PMEPA1: variants seen among roughly 807,000 people sequenced by gnomAD.
The protein encoded by PMEPA1 is protein TMEPAI.
Under a neutral mutation model 23.0 loss-of-function variants are expected in PMEPA1, and 11 were observed. The observed-to-expected ratio is 0.48, with a 90% CI of 0.30 to 0.79. The LOEUF (loss-of-function observed/expected upper bound fraction) is 0.79, where lower values mean the gene tolerates loss of function less well. PMEPA1 is among the 30% of genes least tolerant of loss of function. The pLI, the probability that PMEPA1 is intolerant of heterozygous loss-of-function variation, is 0.06. For missense variants in PMEPA1, 377 were observed against 390.9 expected, an observed-to-expected ratio of 0.96 and a Z score of 0.30; for synonymous variants, 204 against 166.4, an observed-to-expected ratio of 1.23 and a Z score of -1.74.
chr20:57,699,934 G>A (rs774303867), intron 1 of PMEPA1: 18 of 437,648 alleles, frequency 4.1e-5, no homozygotes, highest in Non-Finnish European at 7.1e-5. Flanking sequence ...TCGACAGTCC[G>A]CGTTTTACAT....
At position 57,652,771 on chromosome 20, in the gene PMEPA1, C is replaced by T. The variant is rs2071269323; in HGVS notation, c.319-173G>A. Among the ~76,000 whole-genome samples the T allele has an allele frequency of 6.6e-6, 1 of 152,128 alleles. No individual in the cohort carries two copies. The highest frequency in any genetic ancestry group is 2.4e-5 in the African/African-American group (1 of 41,432). ...AGCCTGATCCCGCGGGGGCCCTGGC[C>T]TGGGGGGCAGCACTGCAGAGCTGCA... is the stretch of plus-strand genomic sequence containing the variant. On this transcript the variant is annotated intron_variant, in intron 3 of 3. Coordinates refer to ENST00000341744, the MANE Select transcript of PMEPA1 (RefSeq NM_020182.5). The surrounding 1 kb of genome is among the most constrained non-coding windows in gnomAD (Gnocchi z 6.1).
In PMEPA1 at chr20:57,652,267, G is replaced by C; in HGVS notation, c.650C>G (p.Thr217Arg). The change falls in exon 4 of 4, where the codon ACG becomes AGG. Residue 217 changes from threonine (T) to arginine (R), a missense_variant. By Grantham distance (71) the Thr-to-Arg change is moderately conservative. Transcript: ENST00000341744. This position sits in a 1 kb window ranked among gnomAD's most constrained non-coding sequence, Gnocchi z 6.1. Reference protein sequence around the residue: ...PPSSNSGISATCYGSGGRMEG... With the variant: ...PPSSNSGISARCYGSGGRMEG... ...CATGCGCCCGCCGCTGCCGTAGCACGTGGCGCTGATGCCCGAGTTACTGCT... is the reference window on the plus strand; with the variant it reads ...CATGCGCCCGCCGCTGCCGTAGCACCTGGCGCTGATGCCCGAGTTACTGCT... The C allele has an allele frequency of 6.2e-7, 1 of 1,608,650 alleles. No individual in the cohort carries two copies. Among genetic ancestry groups the C allele is most frequent in the Non-Finnish European group, 8.5e-7 (1 of 1,179,532 alleles).
Position 57,664,178 on chromosome 20 carries a change from C to T in PMEPA1, c.110-4481G>A, listed in dbSNP as rs147657857. Among the ~76,000 whole-genome samples the T allele has an allele frequency of 6.0e-3, 908 of 152,322 alleles. 6 individuals carry two copies. The highest frequency in any genetic ancestry group is 9.2e-3 in the Non-Finnish European group (626 of 68,022). ...CCAGCCGTGTTCCCACCTGGCATCA[C>T]GGGAGCAGGGCTGTGGGCAGCCACC... On this transcript the variant is annotated intron_variant, in intron 1 of 3. Coordinates refer to ENST00000341744, the MANE Select transcript of PMEPA1 (RefSeq NM_020182.5).
chr20:57,659,726 C>A (rs1444594561), intron 1 of PMEPA1, 29 bp from the exon 2 acceptor site: 22 of 1,551,858 alleles, frequency 1.4e-5, no homozygotes, highest in Non-Finnish European at 1.9e-5. Context: ...ACACGTGAGA[C>A]CCTGGACACC....
At chr20:57,670,521 G>T (rs2071553316) in intron 1 of PMEPA1, among the ~76,000 whole-genome samples, 1 of 152,044 alleles carries the variant, frequency 6.6e-6, no homozygotes, top group African/African-American at 2.4e-5. Context: ...AGGCTGACAC[G>T]CCTGACAAGC....
At position 57,659,560 on chromosome 20, in the gene PMEPA1, C is replaced by G. The variant is rs541257415; in HGVS notation, c.247G>C (p.Glu83Gln). The G allele has an allele frequency of 1.2e-6, 2 of 1,614,030 alleles. No individual in the cohort carries two copies. The highest frequency in any genetic ancestry group is 1.7e-6 in the Non-Finnish European group (2 of 1,179,988). The change falls in exon 2 of 4, where the codon GAA (glutamate) becomes CAA (glutamine). Residue 83 changes from glutamate (E) to glutamine (Q), a missense_variant. Glu to Gln is a conservative substitution (Grantham distance 29). Coordinates refer to ENST00000341744, the MANE Select transcript of PMEPA1 (RefSeq NM_020182.5). ...ISRHSQGRRREDALSSEGCLW... is the reference protein window; with the variant it reads ...ISRHSQGRRRQDALSSEGCLW... ...GCACTTACTGAGGACAGGGCATCTT[C>G]TCTCCTCCGCCCCTGGCTGTGCCGG...
Position 57,659,679 on chromosome 20 carries a change from T to C in PMEPA1, c.128A>G (p.Gln43Arg). ...CATCACCACCACGATGATGATGATC[T>C]GAACAAACTCCAGCTCCGCTGTGGA... ...SMEITELEFV[Q>R]IIIIVVVMMV... The change falls in exon 2 of 4, where the codon CAG becomes CGG. Residue 43 changes from glutamine to arginine, a missense_variant. Physicochemically the swap from Gln to Arg is conservative, Grantham distance 43. Coordinates refer to ENST00000341744, the MANE Select transcript of PMEPA1 (RefSeq NM_020182.5). 1 of 1,588,594 alleles carries C rather than the reference T, an allele frequency of 6.3e-7. No individual in the cohort carries two copies. The highest frequency in any genetic ancestry group is 8.6e-7 in the Non-Finnish European group (1 of 1,167,472).
chr20:57,651,873 C>A lies in PMEPA1; in HGVS notation c.*180G>T. Reference sequence around the variant, plus strand: ...TTTTTTCTTTTTTTTTTTGCAAGCTCTCTTAGCTTGTGCATTCAGACCAGA... The same window carrying A: ...TTTTTTCTTTTTTTTTTTGCAAGCTATCTTAGCTTGTGCATTCAGACCAGA... On this transcript the variant is annotated 3_prime_UTR_variant, in exon 4 of 4. Coordinates refer to ENST00000341744, the MANE Select transcript of PMEPA1 (RefSeq NM_020182.5). 4 of 353,816 alleles carry A rather than the reference C, an allele frequency of 1.1e-5. No homozygotes were observed. Among genetic ancestry groups the A allele is most frequent in the Non-Finnish European group, 2.0e-5 (4 of 203,278 alleles). 21.9% of individuals were successfully genotyped at this position (353,816 alleles called of 1,614,324 possible).
intron 1 of PMEPA1, among the ~76,000 whole-genome samples, chr20:57,665,471 G>A (rs954822430): frequency 2.7e-5 from 4 of 147,054 alleles, no homozygotes; most frequent in Admixed American, 6.8e-5. Context: ...GATGCTGTGC[G>A]CATCTACCTC....
chr20:57,708,124 TAGGCTC>T (rs954298754), intron 1 of PMEPA1, among the ~76,000 whole-genome samples: 5 of 152,216 alleles, frequency 3.3e-5, no homozygotes, highest in Admixed American at 2.0e-4. Context: ...GCTCACTGTA[TAGGCTC>T]AGGGGCCACA....
Position 57,682,626 on chromosome 20 carries a change from G to A in PMEPA1, c.110-22929C>T, listed in dbSNP as rs1388223051. Among the ~76,000 whole-genome samples the A allele has an allele frequency of 1.3e-5, 2 of 151,274 alleles. No individual in the cohort carries two copies. The highest frequency in any genetic ancestry group is 2.1e-4 in the South Asian group (1 of 4,800). ...GAAGGAGAGGCACAGCTGCGTCGCT[G>A]GCTGTGACCCACACTCCTCCAGTTT... On this transcript the variant is annotated intron_variant, in intron 1 of 3. Coordinates refer to ENST00000341744, the MANE Select transcript of PMEPA1 (RefSeq NM_020182.5). This position sits in a 1 kb window ranked among gnomAD's most constrained non-coding sequence, Gnocchi z 4.4.
chr20:57,650,424 C>T lies in PMEPA1; in HGVS notation c.*1629G>A, dbSNP rs2146629149. ...CACTGGCCCCGGTGGGTCCCAAAGC[C>T]CCACCCCTCATGCTCTCCTCTGGTC... On this transcript the variant is annotated 3_prime_UTR_variant, in exon 4 of 4. Coordinates refer to ENST00000341744, the MANE Select transcript of PMEPA1 (RefSeq NM_020182.5). The T allele has an allele frequency of 6.6e-6, 1 of 152,256 alleles. No homozygotes were observed. Among genetic ancestry groups the T allele is most frequent in the Admixed American group, 6.5e-5 (1 of 15,298 alleles). The allele number at this position is 152,256 out of a possible 1,614,324, so 9.4% of individuals were successfully genotyped here. A position where few individuals can be genotyped will look rare whatever the true frequency, so the allele number is the denominator to read the frequency against.
intron 2 of PMEPA1, among the ~76,000 whole-genome samples, chr20:57,658,286 G>C (rs369112035): frequency 6.6e-6 from 1 of 152,170 alleles, no homozygotes; most frequent in Non-Finnish European, 1.5e-5. Flanking sequence ...CCTCCTGCAG[G>C]GCTCTGTCCT....
rs541056460 is a variant in PMEPA1 at position 57,698,526 on chromosome 20, G to A, written c.109+10948C>T. On this transcript the variant is annotated intron_variant, in intron 1 of 3. Transcript: ENST00000341744. ...TTTTACAGACACCAATTACAAAGTA[G>A]AAAGAAAAGAACAAAGAAATTACTC... Among the ~76,000 whole-genome samples, 31 of 152,180 alleles carry A rather than the reference G, an allele frequency of 2.0e-4. 1 individual carries two copies. Among genetic ancestry groups the A allele is most frequent in the Non-Finnish European group, 3.7e-4 (25 of 68,036 alleles).
At position 57,650,987 on chromosome 20, in the gene PMEPA1, C is replaced by A. The variant is rs1232082115; in HGVS notation, c.*1066G>T. 1 of 152,166 alleles carries A rather than the reference C, an allele frequency of 6.6e-6. No individual in the cohort carries two copies. Among genetic ancestry groups the A allele is most frequent in the Admixed American group, 6.5e-5 (1 of 15,278 alleles). 9.4% of individuals were successfully genotyped at this position (152,166 alleles called of 1,614,324 possible). On this transcript the variant is annotated 3_prime_UTR_variant, in exon 4 of 4. Coordinates refer to ENST00000341744, the MANE Select transcript of PMEPA1 (RefSeq NM_020182.5). Reference sequence around the variant, plus strand: ...CTGGTAGCCCGGGCACCAGCCGCTGCGGCTTGTGAGGGGCACCATGCTCCA... The same window carrying A: ...CTGGTAGCCCGGGCACCAGCCGCTGAGGCTTGTGAGGGGCACCATGCTCCA...
At chr20:57,688,404 C>G (rs2071830345) in intron 1 of PMEPA1, among the ~76,000 whole-genome samples, 1 of 152,136 alleles carries the variant, frequency 6.6e-6, no homozygotes, top group Non-Finnish European at 1.5e-5. Flanking sequence ...CTGGCCTCTA[C>G]CTACTAGACG....
intron 1 of PMEPA1, among the ~76,000 whole-genome samples, chr20:57,672,712 A>G (rs1276412644): frequency 6.6e-6 from 1 of 152,196 alleles, no homozygotes; most frequent in Non-Finnish European, 1.5e-5. Context: ...TGGAGGAAGC[A>G]GTGAGGGTCT....
chr20:57,680,577 G>A (rs991962452), intron 1 of PMEPA1, among the ~76,000 whole-genome samples: 6 of 152,218 alleles, frequency 3.9e-5, no homozygotes, highest in African/African-American at 7.2e-5. Context: ...GCACAGTGCC[G>A]GGTGCATAGT....
intron 1 of PMEPA1, among the ~76,000 whole-genome samples, chr20:57,702,280 T>C (rs940628785): frequency 1.3e-5 from 2 of 152,292 alleles, no homozygotes; most frequent in Non-Finnish European, 2.9e-5. Flanking sequence ...AGTCTACATT[T>C]GATTCCCTGG....
Sources: allele counts gnomAD v4.1 joint callset (sites outside exome capture counted in the v4.1 genomes callset), GRCh38; gene constraint gnomAD v4.1.1; non-coding constraint Gnocchi (gnomAD v3.1); transcripts MANE v1.5; gene names NCBI Gene and HGNC (gene_info 2026-07-23, HGNC 2026-07-21).